Variants in ADAMTSL3 observed in about 807,000 individuals in gnomAD.
ADAMTSL3 encodes ADAMTS like 3.
ADAMTSL3 carries 128 observed loss-of-function variants against 201.7 expected under a neutral mutation model. The observed-to-expected ratio is 0.63, with a 90% CI of 0.55 to 0.73. The LOEUF (loss-of-function observed/expected upper bound fraction) is 0.73, where lower values mean the gene tolerates loss of function less well. ADAMTSL3 is among the 30% of genes least tolerant of loss of function. ADAMTSL3 has a pLI of 0.00. For synonymous variants in ADAMTSL3, 738 were observed against 748.4 expected (o/e 0.99, Z 0.23); for missense variants, 1,990 against 2,119.6 (o/e 0.94, Z 1.20).
intron 23 of ADAMTSL3, among the ~76,000 whole-genome samples, chr15:84,004,610 A>G (rs1260418414): frequency 6.6e-6 from 1 of 152,146 alleles, no homozygotes; most frequent in Non-Finnish European, 1.5e-5. Flanking sequence ...AGGAGTGGGT[A>G]ACTGGGAGTG....
At chr15:83,923,735 G>A (rs150467844) in intron 16 of ADAMTSL3, among the ~76,000 whole-genome samples, 169 bp from the exon 17 acceptor site, 178 of 152,302 alleles carry the variant, frequency 1.2e-3, no homozygotes, top group Admixed American at 2.2e-3. Context: ...GGAGACTTTG[G>A]ATAATGCAAA....
Position 83,796,382 on chromosome 15 carries a change from CA to C in ADAMTSL3, c.318-8263del, listed in dbSNP as rs2063427163. 2.0e-5 allele frequency among the ~76,000 whole-genome samples: 3 copies of C among 152,108 alleles called. No homozygotes were observed. In the South Asian group the frequency reaches 6.2e-4, roughly 32 times the overall value. ...AAATGACTGTGCTCTTACACAGTAC[CA>C]AAAACTAAATAGAAAGCAAAATTTC... On this transcript the variant is annotated intron_variant, in intron 4 of 29. Coordinates refer to ENST00000286744, the MANE Select transcript of ADAMTSL3 (RefSeq NM_207517.3).
intron 10 of ADAMTSL3, among the ~76,000 whole-genome samples, chr15:83,888,698 A>C (rs17296856): frequency 0.21 from 31,255 of 152,166 alleles, 4,049 homozygotes; most frequent in Non-Finnish European, 0.28. Flanking sequence ...TGCCATTGCC[A>C]TCTGATATCG....
At chr15:83,770,176 T>A (rs2062957091) in intron 3 of ADAMTSL3, among the ~76,000 whole-genome samples, 1 of 152,204 alleles carries the variant, frequency 6.6e-6, no homozygotes, top group South Asian at 2.1e-4. Flanking sequence ...AAAGTATACA[T>A]GCATGAAAAA....
Position 83,873,457 on chromosome 15 carries a change from C to A in ADAMTSL3, c.960+2498C>A, listed in dbSNP as rs771569466. On this transcript the variant is annotated intron_variant, in intron 9 of 29. Coordinates refer to ENST00000286744, the MANE Select transcript of ADAMTSL3 (RefSeq NM_207517.3). ...TTTGAGATAGGGTCTTGCTCTGTCA[C>A]CCAGGCCAAGTACAGGCTGCAAGTA... Among the ~76,000 whole-genome samples the A allele has an allele frequency of 8.3e-5, 12 of 145,028 alleles. 3 individuals carry two copies. The highest frequency in any genetic ancestry group is 1.8e-4 in the Non-Finnish European group (12 of 66,646).
chr15:83,960,648 A>G (rs561145955), intron 19 of ADAMTSL3, among the ~76,000 whole-genome samples: 1 of 152,156 alleles, frequency 6.6e-6, no homozygotes, highest in Non-Finnish European at 1.5e-5. Context: ...AGGGGCAGCA[A>G]TTGTTGGATT....
At chr15:83,800,177 T>C (rs906524229) in intron 4 of ADAMTSL3, among the ~76,000 whole-genome samples, 1 of 152,186 alleles carries the variant, frequency 6.6e-6, no homozygotes, top group Non-Finnish European at 1.5e-5. Context: ...TCTCCCTGAA[T>C]CTTTATATCC....
At chr15:83,680,513 G>GTT (rs55658833) in intron 2 of ADAMTSL3, among the ~76,000 whole-genome samples, 148 of 134,464 alleles carry the variant, frequency 1.1e-3, no homozygotes, top group Middle Eastern at 8.2e-3. Context: ...CTTAGTTGTT[G>GTT]TTTTTTTTTT....
intron 28 of ADAMTSL3, among the ~76,000 whole-genome samples, chr15:84,033,055 T>A (rs2068437221): frequency 6.6e-6 from 1 of 152,202 alleles, no homozygotes; most frequent in Non-Finnish European, 1.5e-5. Flanking sequence ...ATTACTTTTT[T>A]ATATGATTTT....
chr15:83,721,062 A>G (rs888801871), intron 3 of ADAMTSL3, among the ~76,000 whole-genome samples: 9 of 152,204 alleles, frequency 5.9e-5, no homozygotes, highest in African/African-American at 1.7e-4. Context: ...GGTTCAGATG[A>G]TGAGTATGGG....
At chr15:83,731,197 C>T (rs1017179144) in intron 3 of ADAMTSL3, among the ~76,000 whole-genome samples, 11 of 151,892 alleles carry the variant, frequency 7.2e-5, no homozygotes, top group Admixed American at 2.6e-4. Flanking sequence ...AATTTGAAAT[C>T]GGGAAGTATA....
At chr15:83,729,933 G>A (rs2062238927) in intron 3 of ADAMTSL3, among the ~76,000 whole-genome samples, 1 of 152,020 alleles carries the variant, frequency 6.6e-6, no homozygotes, top group Admixed American at 6.6e-5. Flanking sequence ...TGGGACTTGG[G>A]TATTGTGATC....
At chr15:83,680,224 A>G (rs975476437) in intron 2 of ADAMTSL3, among the ~76,000 whole-genome samples, 3 of 152,048 alleles carry the variant, frequency 2.0e-5, no homozygotes, top group Admixed American at 2.0e-4. Context: ...TCCAGAACAT[A>G]TGGAATGTGA....
intron 7 of ADAMTSL3, among the ~76,000 whole-genome samples, chr15:83,847,511 T>C (rs1490849807): frequency 1.3e-5 from 2 of 151,798 alleles, no homozygotes; most frequent in Non-Finnish European, 2.9e-5. Context: ...TTTTTTTTTT[T>C]TGAGATGGAG....
chr15:83,916,155 A>T (rs1316971869), intron 16 of ADAMTSL3, among the ~76,000 whole-genome samples: 1 of 152,206 alleles, frequency 6.6e-6, no homozygotes, highest in African/African-American at 2.4e-5. Flanking sequence ...TCAGAAATGC[A>T]ATGCAGTATT....
intron 15 of ADAMTSL3, among the ~76,000 whole-genome samples, chr15:83,906,677 C>G (rs943990621): frequency 2.2e-5 from 3 of 134,166 alleles, no homozygotes; most frequent in East Asian, 2.2e-4. Flanking sequence ...CACACACACA[C>G]AGAGTTATGG....
chr15:83,915,722 G>T (rs545346612), intron 16 of ADAMTSL3, among the ~76,000 whole-genome samples: 1 of 152,096 alleles, frequency 6.6e-6, no homozygotes, highest in Non-Finnish European at 1.5e-5. Context: ...TATTATGGAC[G>T]TTGCATGTAA....
At chr15:83,989,505 G>C (rs1225000522) in intron 22 of ADAMTSL3, among the ~76,000 whole-genome samples, 1 of 152,134 alleles carries the variant, frequency 6.6e-6, no homozygotes, top group Non-Finnish European at 1.5e-5. Context: ...CAACAAAAAA[G>C]AATAATTATC....
chr15:83,969,228 G>A (rs891534240), intron 19 of ADAMTSL3, among the ~76,000 whole-genome samples: 5 of 152,072 alleles, frequency 3.3e-5, no homozygotes, highest in Non-Finnish European at 7.4e-5. Flanking sequence ...GGTGGATCAC[G>A]AGGTCAGGAG....
Sources: gnomAD v4.1 joint callset for allele counts (sites outside exome capture counted in the v4.1 genomes callset) on GRCh38, gnomAD v4.1.1 for gene constraint, MANE v1.5 for transcripts, NCBI Gene and HGNC (gene_info 2026-07-23, HGNC 2026-07-21) for gene names.